Variants in FAM178B observed in about 807,000 individuals in gnomAD.
The protein encoded by FAM178B is protein FAM178B.
Under a neutral mutation model 91.7 loss-of-function variants are expected in FAM178B, and 82 were observed. The ratio of observed to expected loss-of-function variants is 0.89; its 90% confidence interval spans 0.75 to 1.07. The LOEUF (loss-of-function observed/expected upper bound fraction) is 1.07. FAM178B is among the 50% of genes least tolerant of loss of function. FAM178B has a pLI of 0.00. For synonymous variants in FAM178B, 368 were observed against 359.4 expected (o/e 1.02, Z -0.27); for missense variants, 769 against 846.7 (o/e 0.91, Z 1.14).
intron 4 of FAM178B, 33 bp downstream of exon 4, chr2:96,970,683 A>C: frequency 1.3e-6 from 2 of 1,523,442 alleles, no homozygotes; most frequent in Non-Finnish European, 1.8e-6. Context: ...TGCAGAAATA[A>C]GCACCCCATG....
At chr2:96,969,500 C>A (rs555170853) in intron 4 of FAM178B, among the ~76,000 whole-genome samples, 1 of 152,138 alleles carries the variant, frequency 6.6e-6, no homozygotes, top group Non-Finnish European at 1.5e-5. Flanking sequence ...TTGTTTAAGC[C>A]CCCAGTGTGT....
At chr2:96,936,241 G>A (rs892107078) in intron 8 of FAM178B, among the ~76,000 whole-genome samples, 2 of 151,782 alleles carry the variant, frequency 1.3e-5, no homozygotes, top group Non-Finnish European at 2.9e-5. Flanking sequence ...TCGCTCTGTT[G>A]CCCAGGCTGG....
rs1424849024 is a variant in FAM178B, at chr2:96,929,307, G to A, written c.1092C>T (p.His364=). 1.3e-6 allele frequency: 2 copies of A among 1,551,228 alleles called. No homozygotes were observed. Among genetic ancestry groups the A allele is most frequent in the Non-Finnish European group, 1.7e-6 (2 of 1,146,600 alleles). Residue 364 remains histidine (H), a synonymous_variant, in exon 9 of 17, where the codon CAC becomes CAT. Coordinates refer to ENST00000490605, the MANE Select transcript of FAM178B (RefSeq NM_001122646.3). The stretch of plus-strand genomic sequence containing the variant: ...CTTCTTGCAGTGAGGGGCACCACAG[G>A]TGCTTGTCTTCATCTGTCAGGCCAA... ...GIFLQPDEDK[H]LWCPSLQEVR...
intron 7 of FAM178B, among the ~76,000 whole-genome samples, 180 bp downstream of exon 7, chr2:96,951,199 T>C (rs1201587979): frequency 6.6e-6 from 1 of 152,092 alleles, no homozygotes; most frequent in African/African-American, 2.4e-5. Flanking sequence ...GGCCTTGGCA[T>C]TCTTAGCACC....
Position 96,923,484 on chromosome 2 carries a change from A to AT in FAM178B, c.1287+5_1287+6insA. 1 of 1,550,022 alleles carries AT rather than the reference A, an allele frequency of 6.5e-7. No individual in the cohort carries two copies. Among genetic ancestry groups the AT allele is most frequent in the Non-Finnish European group, 8.7e-7 (1 of 1,145,624 alleles). ...TGCCCTGCATGAGGCAGGCGGCTTG[A>AT]CTCACCTTGTAGATGTGGCCCAGGC... On this transcript the variant is annotated splice_donor_region_variant and intron_variant, in intron 10 of 16. Coordinates refer to ENST00000490605, the MANE Select transcript of FAM178B (RefSeq NM_001122646.3).
At chr2:96,883,352 T>G (rs1443586815) in intron 14 of FAM178B, among the ~76,000 whole-genome samples, 2 of 152,222 alleles carry the variant, frequency 1.3e-5, no homozygotes, top group Non-Finnish European at 2.9e-5. Flanking sequence ...GGGAGCGGGC[T>G]GTGGCCTGGG....
chr2:96,948,522 C>T (rs938730765), intron 7 of FAM178B, among the ~76,000 whole-genome samples: 12 of 152,142 alleles, frequency 7.9e-5, no homozygotes, highest in African/African-American at 2.7e-4. Flanking sequence ...GAGAGGCTGA[C>T]AAGGGAATAA....
intron 4 of FAM178B, among the ~76,000 whole-genome samples, chr2:96,968,557 C>T (rs571504639): frequency 4.6e-5 from 7 of 152,286 alleles, no homozygotes; most frequent in African/African-American, 1.7e-4. Context: ...GAGCTCAGAT[C>T]CTGCTAGCCA....
intron 12 of FAM178B, among the ~76,000 whole-genome samples, chr2:96,912,674 G>A (rs2081178614): frequency 6.6e-6 from 1 of 152,192 alleles, no homozygotes; most frequent in Non-Finnish European, 1.5e-5. Flanking sequence ...CTCCAGCCAT[G>A]TCCCCCTCCT....
chr2:96,953,956 G>C (rs866285807), intron 6 of FAM178B, among the ~76,000 whole-genome samples: 1 of 152,338 alleles, frequency 6.6e-6, no homozygotes, highest in East Asian at 1.9e-4. Flanking sequence ...AAAAAGGAAA[G>C]GGGGTGGGAG....
At position 96,936,114 on chromosome 2, in the gene FAM178B, T is replaced by G. The variant is rs376452790; in HGVS notation, c.1079-6794A>C. Among the ~76,000 whole-genome samples, 34 of 152,244 alleles carry G rather than the reference T, an allele frequency of 2.2e-4. No homozygotes were observed. The East Asian group carries it at 3.7e-3, about 16-fold the overall frequency. Reference sequence around the variant, plus strand: ...TACAGAAACTACTTTCTGATCAAGTTTTCTGTAAGCCCAAAACTGTTCTAA... The same window carrying G: ...TACAGAAACTACTTTCTGATCAAGTGTTCTGTAAGCCCAAAACTGTTCTAA... On this transcript the variant is annotated intron_variant, in intron 8 of 16. Transcript: ENST00000490605.
intron 12 of FAM178B, among the ~76,000 whole-genome samples, chr2:96,911,552 A>C (rs925394771): frequency 8.5e-5 from 13 of 152,206 alleles, no homozygotes; most frequent in Non-Finnish European, 1.8e-4. Flanking sequence ...TGAGGGGGAA[A>C]GTCTGAAAGA....
At chr2:96,895,729 G>A (rs2080809170) in intron 13 of FAM178B, among the ~76,000 whole-genome samples, 1 of 152,230 alleles carries the variant, frequency 6.6e-6, no homozygotes, top group Non-Finnish European at 1.5e-5. Context: ...AGATGGCACA[G>A]AAGCAGGGTG....
intron 12 of FAM178B, among the ~76,000 whole-genome samples, chr2:96,916,299 C>G (rs1309081222): frequency 5.3e-5 from 8 of 152,234 alleles, no homozygotes; most frequent in African/African-American, 1.9e-4. Flanking sequence ...CAGCACTGTC[C>G]TTTCGGATTG....
At chr2:96,931,260 C>A (rs1314204313) in intron 8 of FAM178B, among the ~76,000 whole-genome samples, 1 of 152,136 alleles carries the variant, frequency 6.6e-6, no homozygotes, top group African/African-American at 2.4e-5. Flanking sequence ...CAGCACACTC[C>A]ACTGTGTTCA....
At position 96,982,977 on chromosome 2, in the gene FAM178B, G is replaced by A. The variant is rs901466213; in HGVS notation, c.73+3264C>T. On this transcript the variant is annotated intron_variant, in intron 1 of 16. Coordinates refer to ENST00000490605, the MANE Select transcript of FAM178B (RefSeq NM_001122646.3). ...TCCTGCCACCTTCAGCTCTTGAGCCGAAGCAATCCGCCTGCCTCAGCCTCC... is the reference window on the plus strand; with the variant it reads ...TCCTGCCACCTTCAGCTCTTGAGCCAAAGCAATCCGCCTGCCTCAGCCTCC... Among the ~76,000 whole-genome samples, 8 of 142,376 alleles carry A rather than the reference G, an allele frequency of 5.6e-5. No homozygotes were observed. The East Asian group carries it at 8.5e-4, about 15-fold the overall frequency. The allele number at this position is 142,376 out of a possible 152,430, so 93.4% of individuals were successfully genotyped here.
intron 8 of FAM178B, among the ~76,000 whole-genome samples, chr2:96,937,097 G>A (rs2153372294): frequency 9.7e-6 from 1 of 103,070 alleles, no homozygotes; most frequent in South Asian, 2.3e-4. Flanking sequence ...ATTTCACTAT[G>A]TTGCCCAGAC....
intron 10 of FAM178B, 80 bp from the exon 11 acceptor site, chr2:96,921,734 C>T: frequency 1.4e-6 from 2 of 1,405,054 alleles, no homozygotes; most frequent in Non-Finnish European, 2.0e-6. Flanking sequence ...CCCTGGGAGA[C>T]ACTTAGGCAG....
At chr2:96,945,991 CT>C (rs2081821266) in intron 8 of FAM178B, among the ~76,000 whole-genome samples, 1 of 152,172 alleles carries the variant, frequency 6.6e-6, no homozygotes, top group Non-Finnish European at 1.5e-5. Context: ...TAAACAGTAA[CT>C]CCCCACTCTC....
Sources: gnomAD v4.1 joint callset for allele counts (sites outside exome capture counted in the v4.1 genomes callset) on GRCh38, gnomAD v4.1.1 for gene constraint, MANE v1.5 for transcripts, NCBI Gene and HGNC (gene_info 2026-07-23, HGNC 2026-07-21) for gene names.